The following ATG9A variants were observed in gnomAD, a reference collection of about 807,000 sequenced individuals.
ATG9A encodes autophagy-related protein 9A.
A neutral mutation model predicts 87.1 loss-of-function variants in ATG9A; 21 were observed. The observed-to-expected ratio is 0.24, with a 90% confidence interval of 0.17 to 0.35. The LOEUF is 0.35. Ranked by LOEUF, ATG9A falls within the 10% of genes least tolerant of loss-of-function variation. The pLI, the probability that ATG9A is intolerant of heterozygous loss-of-function variation, is 1.00. For synonymous variants in ATG9A, 422 were observed against 441.3 expected, an observed-to-expected ratio of 0.96 and a Z score of 0.55; for missense variants, 836 against 1,107.3, an observed-to-expected ratio of 0.76 and a Z score of 3.48.
intron 4 of ATG9A, 59 bp downstream of exon 4, chr2:219,227,710 GC>G: frequency 6.3e-7 from 1 of 1,582,718 alleles, no homozygotes; most frequent in Non-Finnish European, 8.7e-7. Flanking sequence ...TCCCACCAGA[GC>G]CCCGGCTTAG....
In ATG9A at chr2:219,223,581, G is replaced by A. The variant is rs1257138819; in HGVS notation, c.1599+4C>T. On this transcript the variant is annotated splice_donor_region_variant and intron_variant, in intron 10 of 15. Transcript: ENST00000361242. The surrounding 1 kb of genome is among the most constrained non-coding windows in gnomAD (Gnocchi z 4.7). Reference sequence around the variant, plus strand: ...GGCCACCTGGCTCCCTCCTCTCCCAGTACCTGGGGATGACCATGCTGGCGA... The same window carrying A: ...GGCCACCTGGCTCCCTCCTCTCCCAATACCTGGGGATGACCATGCTGGCGA... 1.3e-6 allele frequency: 2 copies of A among 1,593,426 alleles called. No homozygotes were observed. The highest frequency in any genetic ancestry group is 2.7e-5 in the African/African-American group (2 of 74,236).
In ATG9A at chr2:219,222,458, C is replaced by T. The variant is rs775181712; in HGVS notation, c.1849-8G>A. The T allele has an allele frequency of 7.7e-6, 12 of 1,550,838 alleles. No individual in the cohort carries two copies. The highest frequency in any genetic ancestry group is 2.7e-5 in the African/African-American group (2 of 72,740). Reference sequence around the variant, plus strand: ...TGCGATAAGGCTCAGGGGCTATGAACGAAACGGGTAGGTAGAATTCTTGAG... The same window carrying T: ...TGCGATAAGGCTCAGGGGCTATGAATGAAACGGGTAGGTAGAATTCTTGAG... On this transcript the variant is annotated splice_polypyrimidine_tract_variant and splice_region_variant and intron_variant, in intron 11 of 15. Transcript: ENST00000361242. This position sits in a 1 kb window ranked among gnomAD's most constrained non-coding sequence, Gnocchi z 4.3.
At chr2:219,220,945 GA>G in intron 14 of ATG9A, 53 bp from the exon 15 acceptor site, 1 of 1,608,846 alleles carries the variant, frequency 6.2e-7, no homozygotes, top group South Asian at 1.1e-5. Context: ...CAAGAATGAG[GA>G]ACAGGGCTGG....
In ATG9A at chr2:219,222,184, A is replaced by T. The variant is rs1950774125; in HGVS notation, c.2028-17T>A. On this transcript the variant is annotated splice_polypyrimidine_tract_variant and intron_variant, in intron 12 of 15. Coordinates refer to ENST00000361242, the MANE Select transcript of ATG9A (RefSeq NM_001077198.3). The surrounding 1 kb of genome is among the most constrained non-coding windows in gnomAD (Gnocchi z 4.3). ...GCATCCACCCTGTCTCTCCCAACAG[A>T]GACAGACAGCAGCTGTGAACTTCTC... The T allele has an allele frequency of 6.2e-7, 1 of 1,613,402 alleles. No homozygotes were observed. Among genetic ancestry groups the T allele is most frequent in the African/African-American group, 1.3e-5 (1 of 74,886 alleles).
At position 219,220,935 on chromosome 2, in the gene ATG9A, C is replaced by T. The variant is rs200850274; in HGVS notation, c.2369-43G>A. ...AGTAAGCATACTCATAGAAGGAACA[C>T]AAGAATGAGGAACAGGGCTGGGGGG... On this transcript the variant is annotated intron_variant, in intron 14 of 15. Coordinates refer to ENST00000361242, the MANE Select transcript of ATG9A (RefSeq NM_001077198.3). 1,533 of 1,610,126 alleles carry T rather than the reference C, an allele frequency of 9.5e-4. 3 individuals are homozygous for T. Among genetic ancestry groups the T allele is most frequent in the Middle Eastern group, 4.8e-3 (29 of 6,030 alleles).
At position 219,223,935 on chromosome 2, in the gene ATG9A, G is replaced by A; in HGVS notation, c.1353C>T (p.His451=). The stretch of plus-strand genomic sequence containing the variant: ...GCGAGCGGTGGGCATTACCCTGCCA[G>A]TGGTCAGGCATGTAGTGGATGTGAG... The part of the protein sequence containing the change: ...ILAHIHYMPD[H]WQGNAHRSQT... Residue 451 remains histidine, a synonymous_variant, in exon 9 of 16, where the codon CAC becomes CAT. Transcript: ENST00000361242. This position sits in a 1 kb window ranked among gnomAD's most constrained non-coding sequence, Gnocchi z 4.7. The A allele has an allele frequency of 6.2e-7, 1 of 1,614,220 alleles. No homozygotes were observed. The highest frequency in any genetic ancestry group is 8.5e-7 in the Non-Finnish European group (1 of 1,180,038).
chr2:219,227,410 G>A (rs1950883834), intron 4 of ATG9A, among the ~76,000 whole-genome samples: 1 of 152,108 alleles, frequency 6.6e-6, no homozygotes, highest in African/African-American at 2.4e-5. Context: ...CCAGCTACGT[G>A]GGAGACTGAG....
intron 13 of ATG9A, 107 bp downstream of exon 13, chr2:219,221,943 T>C: frequency 1.1e-6 from 1 of 937,214 alleles, no homozygotes; most frequent in Non-Finnish European, 1.6e-6. Context: ...AAGGTAGATA[T>C]GGGAGTGGAG....
Position 219,221,297 on chromosome 2 carries a change from G to T in ATG9A, c.2151C>A (p.His717Gln). 2 of 1,559,712 alleles carry T rather than the reference G, an allele frequency of 1.3e-6. No homozygotes were observed. Among genetic ancestry groups the T allele is most frequent in the Non-Finnish European group, 1.7e-6 (2 of 1,154,600 alleles). ...CAGGTTCAGCCTGGGCCTGCTGCTTGTGGAGCTGGAGAAATGGGGGGCTCG... is the reference window on the plus strand; with the variant it reads ...CAGGTTCAGCCTGGGCCTGCTGCTTTTGGAGCTGGAGAAATGGGGGGCTCG... ...SLHALYMHQL[H>Q]KQQAQAEPER... Residue 717 changes from histidine to glutamine, a missense_variant, in exon 14 of 16, where the codon CAC becomes CAA. Transcript: ENST00000361242.
At chr2:219,221,819 A>G (rs72955431) in intron 13 of ATG9A, among the ~76,000 whole-genome samples, 20,502 of 152,146 alleles carry the variant, frequency 0.13, 1,524 homozygotes, top group South Asian at 0.2. Flanking sequence ...GCAGAGACCC[A>G]AGAAGAAGGA....
rs1950954473 is a variant in ATG9A, at chr2:219,229,373, TGC to T, written c.-82+160_-82+161del. 1 of 151,372 alleles carries T rather than the reference TGC, an allele frequency of 6.6e-6. No homozygotes were observed. Among genetic ancestry groups the T allele is most frequent in the South Asian group, 2.1e-4 (1 of 4,808 alleles). 9.4% of individuals were successfully genotyped at this position (151,372 alleles called of 1,614,324 possible). On this transcript the variant is annotated intron_variant, in intron 1 of 15. Coordinates refer to ENST00000361242, the MANE Select transcript of ATG9A (RefSeq NM_001077198.3). This position sits in a 1 kb window ranked among gnomAD's most constrained non-coding sequence, Gnocchi z 4.2. ...CCCGGCGCCCGCGCGCGCCCCCGTCTGCGCGCGCCAGCAATCAAAACATTCCG... is the reference window on the plus strand; with the variant it reads ...CCCGGCGCCCGCGCGCGCCCCCGTCTGCGCGCCAGCAATCAAAACATTCCG...
chr2:219,225,670 G>A, intron 5 of ATG9A, 98 bp from the exon 6 acceptor site: 2 of 1,376,384 alleles, frequency 1.5e-6, no homozygotes, highest in Non-Finnish European at 2.0e-6. Flanking sequence ...GAACAAGACT[G>A]GGAACTGGAA....
At chr2:219,225,675 C>G (rs1471112821) in intron 5 of ATG9A, 103 bp from the exon 6 acceptor site, 2 of 1,286,116 alleles carry the variant, frequency 1.6e-6, no homozygotes, top group Non-Finnish European at 2.1e-6. Flanking sequence ...AGACTGGGAA[C>G]TGGAAGGGCC....
At chr2:219,226,170 G>A (rs1476890304) in intron 5 of ATG9A, among the ~76,000 whole-genome samples, 1 of 152,092 alleles carries the variant, frequency 6.6e-6, no homozygotes, top group East Asian at 1.9e-4. Flanking sequence ...GAGTGCAGCG[G>A]CACAATCTCG....
rs778183939 is a variant in ATG9A at position 219,225,166 on chromosome 2, C to T, written c.421G>A (p.Val141Ile). The T allele has an allele frequency of 2.5e-6, 4 of 1,614,154 alleles. No individual in the cohort carries two copies. Among genetic ancestry groups the T allele is most frequent in the East Asian group, 4.5e-5 (2 of 44,872 alleles). Reference sequence around the variant, plus strand: ...TTGATAAGCCGGTGGATCCAGAAGACACCAGCAATGACCAGGATGGTGATA... The same window carrying T: ...TTGATAAGCCGGTGGATCCAGAAGATACCAGCAATGACCAGGATGGTGATA... Reference protein sequence around the residue: ...SLITILVIAGVFWIHRLIKFI... With the variant: ...SLITILVIAGIFWIHRLIKFI... The change falls in exon 7 of 16, where the codon GTC becomes ATC. Residue 141 changes from valine (V) to isoleucine (I), a missense_variant. Val to Ile is a conservative substitution (Grantham distance 29, BLOSUM62 3). Around this residue, in one of 2 missense-constraint regions of ATG9A, gnomAD observed 512 missense variants for 759.6 expected, o/e 0.67. Transcript: ENST00000361242.
chr2:219,223,489 G>T lies in ATG9A; in HGVS notation c.1599+96C>A. 7.2e-7 allele frequency: 1 copy of T among 1,388,104 alleles called. No homozygotes were observed. The highest frequency in any genetic ancestry group is 1.4e-5 in the African/African-American group (1 of 69,082). The allele number at this position is 1,388,104 out of a possible 1,614,324, so 86.0% of individuals were successfully genotyped here. On this transcript the variant is annotated intron_variant, in intron 10 of 15. Coordinates refer to ENST00000361242, the MANE Select transcript of ATG9A (RefSeq NM_001077198.3). The surrounding 1 kb of genome is among the most constrained non-coding windows in gnomAD (Gnocchi z 4.7). ...GTGCCCCTGGTATAGGACTGCCTTT[G>T]TGTGACTCAGGAGAGGTGTCTTTTT...
In ATG9A at chr2:219,225,465, G is replaced by A. The variant is rs1014991320; in HGVS notation, c.320C>T (p.Pro107Leu). ...GGCGTCTGGCAGAGTGACCTTGACG[G>A]GTTCAGTAGGGTGAAGACTGTGGTT... Reference protein sequence around the residue: ...MVNHSLHPTEPVKVTLPDAFL... With the variant: ...MVNHSLHPTELVKVTLPDAFL... Residue 107 changes from proline to leucine, a missense_variant, in exon 6 of 16, where the codon CCC (proline) becomes CTC (leucine). Physicochemically the swap from Pro to Leu is moderately conservative, Grantham distance 98 (BLOSUM62 -3). Coordinates refer to ENST00000361242, the MANE Select transcript of ATG9A (RefSeq NM_001077198.3). The A allele has an allele frequency of 3.1e-6, 5 of 1,614,192 alleles. No homozygotes were observed. The highest frequency in any genetic ancestry group is 4.2e-6 in the Non-Finnish European group (5 of 1,180,040).
rs995220633 is a variant in ATG9A, at chr2:219,223,942, G to C, written c.1346C>G (p.Pro449Arg). The change falls in exon 9 of 16, where the codon CCT (proline) becomes CGT (arginine). Residue 449 changes from proline to arginine, a missense_variant. Around this residue, in one of 2 missense-constraint regions of ATG9A, gnomAD observed 512 missense variants for 759.6 expected, o/e 0.67. Transcript: ENST00000361242. This position sits in a 1 kb window ranked among gnomAD's most constrained non-coding sequence, Gnocchi z 4.7. ...RVILAHIHYMPDHWQGNAHRS... is the reference protein window; with the variant it reads ...RVILAHIHYMRDHWQGNAHRS... ...GTGGGCATTACCCTGCCAGTGGTCAGGCATGTAGTGGATGTGAGCGAGGAT... is the reference window on the plus strand; with the variant it reads ...GTGGGCATTACCCTGCCAGTGGTCACGCATGTAGTGGATGTGAGCGAGGAT... 4 of 1,614,110 alleles carry C rather than the reference G, an allele frequency of 2.5e-6. No individual in the cohort carries two copies. The highest frequency in any genetic ancestry group is 1.3e-5 in the African/African-American group (1 of 74,950).
rs180953382 is a variant in ATG9A, at chr2:219,227,797, A to C, written c.120T>G (p.Ile40Met). The C allele has an allele frequency of 8.6e-4, 1,394 of 1,614,184 alleles. 2 individuals are homozygous for C. Among genetic ancestry groups the C allele is most frequent in the Non-Finnish European group, 1.1e-3 (1,313 of 1,180,012 alleles). ...AEGSKSPWHHIENLDLFFSRV... is the reference protein window; with the variant it reads ...AEGSKSPWHHMENLDLFFSRV... The stretch of plus-strand genomic sequence containing the variant: ...GAGAGAAGAAGAGGTCAAGGTTTTC[A>C]ATATGGTGCCAAGGTGCTGTGGGAT... The change falls in exon 4 of 16, where the codon ATT becomes ATG. Residue 40 changes from isoleucine (I) to methionine (M), a missense_variant. Ile to Met is a conservative substitution (Grantham distance 10). Around this residue, in one of 2 missense-constraint regions of ATG9A, gnomAD observed 512 missense variants for 759.6 expected, o/e 0.67. Transcript: ENST00000361242.
Sources: allele counts gnomAD v4.1 joint callset (sites outside exome capture counted in the v4.1 genomes callset), GRCh38; gene constraint gnomAD v4.1.1; regional missense constraint gnomAD v4.1.1; non-coding constraint Gnocchi (gnomAD v3.1); transcripts MANE v1.5; gene names NCBI Gene and HGNC (gene_info 2026-07-23, HGNC 2026-07-21).